KIF26B: variants seen among roughly 807,000 people sequenced by gnomAD.
KIF26B encodes the protein kinesin-like protein KIF26B.
KIF26B carries 63 observed loss-of-function variants against 151.2 expected under a neutral mutation model. That is an observed-to-expected ratio of 0.42 (90% CI 0.34 to 0.51). KIF26B has a LOEUF of 0.51. Among genes scored for constraint, KIF26B ranks in the 20% least tolerant of loss-of-function variants. The pLI is 0.07. For missense variants in KIF26B, 2,813 were observed against 2,913.6 expected, an observed-to-expected ratio of 0.97 and a Z score of 0.79; for synonymous variants, 1,357 against 1,262.1, an observed-to-expected ratio of 1.08 and a Z score of -1.59.
chr1:245,224,218 G>A (rs1669830391), intron 2 of KIF26B, among the ~76,000 whole-genome samples: 1 of 151,890 alleles, frequency 6.6e-6, no homozygotes, highest in Non-Finnish European at 1.5e-5. Context: ...CTGGGAGGCG[G>A]AGGTTGCGGT....
intron 4 of KIF26B, among the ~76,000 whole-genome samples, chr1:245,452,218 C>T (rs1257794048): frequency 6.6e-6 from 1 of 152,192 alleles, no homozygotes; most frequent in Non-Finnish European, 1.5e-5. Flanking sequence ...TTTCACTTAG[C>T]ATAATATTTT....
intron 5 of KIF26B, among the ~76,000 whole-genome samples, chr1:245,552,122 G>GGGGTGT (rs1553287300): frequency 7.6e-6 from 1 of 131,614 alleles, no homozygotes; most frequent in Non-Finnish European, 1.6e-5. Flanking sequence ...GAACCAGCAG[G>GGGGTGT]GTGTGTGTGT....
intron 10 of KIF26B, among the ~76,000 whole-genome samples, chr1:245,661,502 A>G (rs2044137863): frequency 6.6e-6 from 1 of 151,720 alleles, no homozygotes; most frequent in Admixed American, 6.6e-5. Flanking sequence ...CACCCATTAT[A>G]TACACCATAT....
In KIF26B at chr1:245,606,569, G is replaced by A. The variant is rs565598424; in HGVS notation, c.1558-1082G>A. 3.5e-4 allele frequency among the ~76,000 whole-genome samples: 54 copies of A among 152,330 alleles called. No individual in the cohort carries two copies. The highest frequency in any genetic ancestry group is 3.1e-4 in the Non-Finnish European group (21 of 68,038). ...ACAAAACCGACAGCTCTGATGGCTC[G>A]CAGAGCTCTGTATTAGCGGGTGTTC... is the stretch of plus-strand genomic sequence containing the variant. On this transcript the variant is annotated intron_variant, in intron 6 of 14. Coordinates refer to ENST00000407071, the MANE Select transcript of KIF26B (RefSeq NM_018012.4). The surrounding 1 kb of genome is among the most constrained non-coding windows in gnomAD (Gnocchi z 4.6).
chr1:245,499,020 G>A (rs889386903), intron 4 of KIF26B, among the ~76,000 whole-genome samples: 16 of 152,242 alleles, frequency 1.1e-4, no homozygotes, highest in Middle Eastern at 6.8e-3. Flanking sequence ...TGAGGCAACC[G>A]GTTGCCAGAC....
At chr1:245,185,233 G>C (rs570987663) in intron 2 of KIF26B, among the ~76,000 whole-genome samples, 228 of 151,976 alleles carry the variant, frequency 1.5e-3, no homozygotes, top group African/African-American at 5.2e-3. Flanking sequence ...CTGCCCCCCG[G>C]GTTCCAGCGA....
intron 12 of KIF26B, among the ~76,000 whole-genome samples, chr1:245,692,531 C>G (rs995630317): frequency 3.3e-5 from 5 of 151,992 alleles, no homozygotes; most frequent in African/African-American, 1.2e-4. Flanking sequence ...GCGGCAAGAG[C>G]CTGGCCTGTG....
chr1:245,489,268 G>A (rs1256745744), intron 4 of KIF26B, among the ~76,000 whole-genome samples: 2 of 152,192 alleles, frequency 1.3e-5, no homozygotes, highest in African/African-American at 2.4e-5. Context: ...CCTCAGGAGC[G>A]GATAAGAGGA....
intron 5 of KIF26B, among the ~76,000 whole-genome samples, chr1:245,570,252 G>T (rs371639721): frequency 3.7e-4 from 56 of 151,960 alleles, no homozygotes; most frequent in African/African-American, 1.3e-3. Flanking sequence ...AAATATTTTT[G>T]ATTTCCACTT....
At position 245,602,084 on chromosome 1, in the gene KIF26B, C is replaced by A. The variant is rs188741162; in HGVS notation, c.1351-493C>A. ...TCGAATGCTGGCCATTAAAAGCAGG[C>A]CATTTCACGGTTCTTTAATGATGAC... On this transcript the variant is annotated intron_variant, in intron 5 of 14. Coordinates refer to ENST00000407071, the MANE Select transcript of KIF26B (RefSeq NM_018012.4). This position sits in a 1 kb window ranked among gnomAD's most constrained non-coding sequence, Gnocchi z 4.5. 1.9e-3 allele frequency among the ~76,000 whole-genome samples: 290 copies of A among 152,120 alleles called. 1 individual carries two copies. The highest frequency in any genetic ancestry group is 2.4e-3 in the Non-Finnish European group (165 of 68,020).
intron 10 of KIF26B, among the ~76,000 whole-genome samples, chr1:245,662,502 C>T (rs1330965952): frequency 6.7e-6 from 1 of 148,362 alleles, no homozygotes; most frequent in African/African-American, 2.5e-5. Context: ...TATATATGTA[C>T]ACCCAATGAT....
intron 10 of KIF26B, among the ~76,000 whole-genome samples, chr1:245,647,253 A>ATC (rs2043960658): frequency 6.6e-6 from 1 of 151,822 alleles, no homozygotes; most frequent in Non-Finnish European, 1.5e-5. Flanking sequence ...GTGAAACCCC[A>ATC]TCTCTACTAA....
At chr1:245,624,412 C>A (rs2043700649) in intron 9 of KIF26B, among the ~76,000 whole-genome samples, 1 of 152,162 alleles carries the variant, frequency 6.6e-6, no homozygotes, top group Non-Finnish European at 1.5e-5. Flanking sequence ...CCTCCATACC[C>A]CCACCAGCAT....
intron 10 of KIF26B, among the ~76,000 whole-genome samples, chr1:245,670,443 A>T (rs1327367769): frequency 1.3e-5 from 2 of 151,772 alleles, no homozygotes; most frequent in African/African-American, 4.8e-5. Context: ...TATATTGTGA[A>T]ATTATTAACA....
At chr1:245,548,339 G>A (rs1364097221) in intron 5 of KIF26B, among the ~76,000 whole-genome samples, 1 of 152,150 alleles carries the variant, frequency 6.6e-6, no homozygotes, top group Non-Finnish European at 1.5e-5. Context: ...GCTGAGCACT[G>A]TGTAGGGTCC....
chr1:245,191,321 A>G (rs1485347596), intron 2 of KIF26B, among the ~76,000 whole-genome samples: 2 of 150,922 alleles, frequency 1.3e-5, no homozygotes, highest in African/African-American at 2.4e-5. Context: ...CTAAAAATCC[A>G]AAACTTAGCT....
At chr1:245,351,426 A>T (rs61829608) in intron 2 of KIF26B, among the ~76,000 whole-genome samples, 1 of 144,428 alleles carries the variant, frequency 6.9e-6, no homozygotes, top group East Asian at 1.9e-4. Flanking sequence ...GTCTTAAACA[A>T]AGAGAAAACT....
chr1:245,177,665 G>GGGGT (rs1416393603), intron 2 of KIF26B, among the ~76,000 whole-genome samples: 1 of 149,068 alleles, frequency 6.7e-6, no homozygotes, highest in African/African-American at 2.5e-5. Flanking sequence ...TGTCCTTAGG[G>GGGGT]GTGTGTGTGT....
chr1:245,567,156 AG>A (rs1254551503), intron 5 of KIF26B, among the ~76,000 whole-genome samples: 1 of 152,188 alleles, frequency 6.6e-6, no homozygotes, highest in Admixed American at 6.5e-5. Flanking sequence ...TTGTCTCTGC[AG>A]GCCAGACTAT....
Sources: allele counts gnomAD v4.1 joint callset (sites outside exome capture counted in the v4.1 genomes callset), GRCh38; gene constraint gnomAD v4.1.1; non-coding constraint Gnocchi (gnomAD v3.1); transcripts MANE v1.5; gene names NCBI Gene and HGNC (gene_info 2026-07-23, HGNC 2026-07-21).